CNOT1: variants seen among roughly 807,000 people sequenced by gnomAD.
CNOT1 encodes CCR4-NOT transcription complex subunit 1.
Under a neutral mutation model 273.8 loss-of-function variants are expected in CNOT1, and 15 were observed. That is an observed-to-expected ratio of 0.05 (90% CI 0.04 to 0.08). CNOT1 has a LOEUF of 0.08. Ranked by LOEUF, CNOT1 falls within the 10% of genes least tolerant of loss-of-function variation. CNOT1 has a pLI of 1.00. For missense variants in CNOT1, 1,644 were observed against 2,912.2 expected (o/e 0.56, Z 10.02); for synonymous variants, 1,022 against 1,005.5 (o/e 1.02, Z -0.31).
At chr16:58,591,115 C>G (rs374753930) in intron 2 of CNOT1, among the ~76,000 whole-genome samples, 2 of 152,058 alleles carry the variant, frequency 1.3e-5, no homozygotes, top group Non-Finnish European at 2.9e-5. Context: ...AAGAACAATC[C>G]AGGGAGAAGG....
At chr16:58,546,987 A>G (rs2040278195) in intron 27 of CNOT1, among the ~76,000 whole-genome samples, 199 bp downstream of exon 27, 2 of 152,190 alleles carry the variant, frequency 1.3e-5, no homozygotes, top group Non-Finnish European at 2.9e-5. Context: ...AACAAAACAA[A>G]AAACCAAAAA....
chr16:58,520,907 CGGT>C lies in CNOT1; in HGVS notation c.*48_*50del, dbSNP rs778905147. 31 of 1,559,088 alleles carry C rather than the reference CGGT, an allele frequency of 2.0e-5. No individual in the cohort carries two copies. Among genetic ancestry groups the C allele is most frequent in the Middle Eastern group, 3.3e-4 (2 of 5,998 alleles). ...GGATTCTTCAGTCAGTTTATGAACT[CGGT>C]GCAGTGAGACCTCTAGACTGACACG... On this transcript the variant is annotated 3_prime_UTR_variant, in exon 49 of 49. Transcript: ENST00000317147.
intron 47 of CNOT1, 172 bp downstream of exon 47, chr16:58,523,198 T>C (rs1382886311): frequency 2.0e-6 from 1 of 494,782 alleles, no homozygotes; most frequent in African/African-American, 2.0e-5. Flanking sequence ...TGAGCCAAGA[T>C]GGCGCCACTG....
intron 24 of CNOT1, among the ~76,000 whole-genome samples, chr16:58,550,711 T>G (rs560844496): frequency 3.4e-4 from 52 of 152,290 alleles, no homozygotes; most frequent in African/African-American, 1.2e-3. Flanking sequence ...CATACAGGAT[T>G]GGCAACCCTA....
intron 47 of CNOT1, among the ~76,000 whole-genome samples, chr16:58,521,616 G>C (rs2039375505): frequency 6.6e-6 from 1 of 152,214 alleles, no homozygotes; most frequent in African/African-American, 2.4e-5. Flanking sequence ...AAAGCCCAGA[G>C]TACATGGCAC....
intron 12 of CNOT1, among the ~76,000 whole-genome samples, 156 bp downstream of exon 12, chr16:58,580,477 T>G (rs1211952091): frequency 6.6e-6 from 1 of 152,178 alleles, no homozygotes; most frequent in African/African-American, 2.4e-5. Flanking sequence ...AAAGAATTTA[T>G]CTACCAACCC....
At chr16:58,598,621 C>T (rs551309260) in intron 2 of CNOT1, among the ~76,000 whole-genome samples, 3 of 150,526 alleles carry the variant, frequency 2.0e-5, no homozygotes, top group South Asian at 2.1e-4. Flanking sequence ...CGAGCCTGGG[C>T]GACTCTGTCT....
chr16:58,547,626 C>T lies in CNOT1; in HGVS notation c.3579G>A (p.Lys1193=). ...TCATTCCTAGCCAATGTCCCAAGTT[C>T]TTCAGCAAAGAACGATCTGAGAAAT... ...AANFSDRSLL[K]NLGHWLGMIT... is the part of the protein sequence containing the mutation. The change falls in exon 26 of 49, where the codon AAG becomes AAA. Residue 1193 remains lysine (K), a synonymous_variant. Transcript: ENST00000317147. The surrounding 1 kb of genome is among the most constrained non-coding windows in gnomAD (Gnocchi z 4.0). 1 of 1,613,788 alleles carries T rather than the reference C, an allele frequency of 6.2e-7. No individual in the cohort carries two copies. The highest frequency in any genetic ancestry group is 8.5e-7 in the Non-Finnish European group (1 of 1,179,838).
chr16:58,624,068 G>A (rs1567452608), intron 1 of CNOT1, among the ~76,000 whole-genome samples: 1 of 152,274 alleles, frequency 6.6e-6, no homozygotes, highest in Non-Finnish European at 1.5e-5. Context: ...AAAGAAGGGG[G>A]TATTAGGAAC....
rs2040652254 is a variant in CNOT1, at chr16:58,557,000, A to G, written c.2333-7T>C. On this transcript the variant is annotated splice_region_variant and splice_polypyrimidine_tract_variant and intron_variant, in intron 18 of 48. Transcript: ENST00000317147. ...CCTGTGCCAAGACCACCTACTAGAG[A>G]GAACGAAGGCAGCCACAAATCCTAT... 3 of 1,611,734 alleles carry G rather than the reference A, an allele frequency of 1.9e-6. No homozygotes were observed. Among genetic ancestry groups the G allele is most frequent in the Non-Finnish European group, 2.5e-6 (3 of 1,179,390 alleles).
chr16:58,547,744 G>T lies in CNOT1; in HGVS notation c.3523-62C>A. 6.7e-7 allele frequency: 1 copy of T among 1,496,742 alleles called. No individual in the cohort carries two copies. The allele number at this position is 1,496,742 out of a possible 1,614,324, so 92.7% of individuals were successfully genotyped here. ...AGCTTATGAAAGAAAACTCAACTAAGTATTTGAGAATTCCATTATCCTATC... is the reference window on the plus strand; with the variant it reads ...AGCTTATGAAAGAAAACTCAACTAATTATTTGAGAATTCCATTATCCTATC... On this transcript the variant is annotated intron_variant, in intron 25 of 48. Coordinates refer to ENST00000317147, the MANE Select transcript of CNOT1 (RefSeq NM_016284.5). This position sits in a 1 kb window ranked among gnomAD's most constrained non-coding sequence, Gnocchi z 4.0.
intron 1 of CNOT1, among the ~76,000 whole-genome samples, chr16:58,627,485 G>A (rs1233933138): frequency 4.7e-5 from 7 of 149,856 alleles, no homozygotes; most frequent in Non-Finnish European, 1.5e-5. Context: ...AACATGCAAG[G>A]TAATTTGAAA....
chr16:58,584,264 A>G (rs1303617181), intron 8 of CNOT1, among the ~76,000 whole-genome samples: 1 of 152,170 alleles, frequency 6.6e-6, no homozygotes, highest in Non-Finnish European at 1.5e-5. Context: ...TTAAGATTTT[A>G]ACATCCAAAG....
chr16:58,602,577 A>AAC (rs1394244251), intron 1 of CNOT1, among the ~76,000 whole-genome samples: 302 of 144,646 alleles, frequency 2.1e-3, no homozygotes, highest in Non-Finnish European at 3.5e-3. Context: ...AAAAAAAAAA[A>AAC]CCCATCCATA....
intron 19 of CNOT1, among the ~76,000 whole-genome samples, 155 bp downstream of exon 19, chr16:58,556,692 G>A (rs540066229): frequency 1.2e-3 from 188 of 152,332 alleles, no homozygotes; most frequent in South Asian, 8.1e-3. Context: ...CTGGGAAGGA[G>A]TGATACCTCT....
chr16:58,587,721 G>A (rs2041921762), intron 4 of CNOT1, 59 bp downstream of exon 4: 1 of 1,549,388 alleles, frequency 6.5e-7, no homozygotes, highest in Non-Finnish European at 8.8e-7. Context: ...TCAAGGCTTA[G>A]GGACTTTTTA....
Position 58,535,729 on chromosome 16 carries a change from C to CT in CNOT1, c.5646+1259dup, listed in dbSNP as rs934094766. On this transcript the variant is annotated intron_variant, in intron 39 of 48. Transcript: ENST00000317147. ...TCATTTTGAAAAGTAAACCTAATTTCTTTTTTTTTTTTAATTTTTTTTGAG... is the reference window on the plus strand; with the variant it reads ...TCATTTTGAAAAGTAAACCTAATTTCTTTTTTTTTTTTTAATTTTTTTTGAG... Among the ~76,000 whole-genome samples, 180 of 145,062 alleles carry CT rather than the reference C, an allele frequency of 1.2e-3. 1 individual carries two copies. The highest frequency in any genetic ancestry group is 9.6e-3 in the South Asian group (44 of 4,562).
intron 14 of CNOT1, 51 bp from the exon 15 acceptor site, chr16:58,575,180 T>C (rs1007001980): frequency 2.5e-6 from 4 of 1,589,812 alleles, no homozygotes; most frequent in Admixed American, 1.8e-5. Context: ...TAAGTAACTA[T>C]CTCTGTCCCA....
At chr16:58,564,270 G>A (rs2040960867) in intron 16 of CNOT1, among the ~76,000 whole-genome samples, 1 of 152,106 alleles carries the variant, frequency 6.6e-6, no homozygotes, top group Admixed American at 6.6e-5. Context: ...AATGTATCTT[G>A]CTTTAGAGTT....
Sources: allele counts gnomAD v4.1 joint callset (sites outside exome capture counted in the v4.1 genomes callset), GRCh38; gene constraint gnomAD v4.1.1; non-coding constraint Gnocchi (gnomAD v3.1); transcripts MANE v1.5; gene names NCBI Gene and HGNC (gene_info 2026-07-23, HGNC 2026-07-21).